Variants in TMPRSS11F observed in about 807,000 individuals in gnomAD.
TMPRSS11F encodes the protein transmembrane protease serine 11F.
In TMPRSS11F, 47 loss-of-function variants were observed where a neutral mutation model predicts 60.2. That is an observed-to-expected ratio of 0.78 (90% CI 0.62 to 1.00). TMPRSS11F has a LOEUF of 1.00. Ranked by LOEUF, TMPRSS11F falls within the 50% of genes least tolerant of loss-of-function variation. The pLI is 0.00. For missense variants in TMPRSS11F, 519 were observed against 522.9 expected, an observed-to-expected ratio of 0.99 and a Z score of 0.07; for synonymous variants, 166 against 167.3, an observed-to-expected ratio of 0.99 and a Z score of 0.06.
intron 1 of TMPRSS11F, among the ~76,000 whole-genome samples, chr4:68,127,539 G>A (rs1724737946): frequency 6.6e-6 from 1 of 152,022 alleles, no homozygotes; most frequent in African/African-American, 2.4e-5. Context: ...GTTCTCTAGT[G>A]CCTTAAGAAT....
intron 6 of TMPRSS11F, among the ~76,000 whole-genome samples, chr4:68,069,061 A>G (rs1723397099): frequency 6.6e-6 from 1 of 152,220 alleles, no homozygotes; most frequent in South Asian, 2.1e-4. Context: ...TAAAGCATAT[A>G]TAGATAATTC....
chr4:68,086,241 A>G (rs374347093), intron 3 of TMPRSS11F, among the ~76,000 whole-genome samples: 1 of 152,172 alleles, frequency 6.6e-6, no homozygotes, highest in African/African-American at 2.4e-5. Context: ...CCACACAACT[A>G]CATGGAAATT....
chr4:68,103,527 T>C (rs996909808), intron 1 of TMPRSS11F, among the ~76,000 whole-genome samples: 1 of 152,136 alleles, frequency 6.6e-6, no homozygotes, highest in African/African-American at 2.4e-5. Context: ...GCCCTGTTAG[T>C]CTTTATGCCA....
chr4:68,091,747 ATCTCTCTCTCTCTCTCTCTCTCTC>A (rs372346277), intron 2 of TMPRSS11F, among the ~76,000 whole-genome samples: 1 of 71,590 alleles, frequency 1.4e-5, no homozygotes, highest in African/African-American at 4.2e-5. Flanking sequence ...TTAATCTCTA[ATCTCTCTCTCTCTCTCTCTCTCTC>A]TCTCTCTCTC....
chr4:68,077,232 C>T (rs1478891588), intron 3 of TMPRSS11F: 1 of 152,270 alleles, frequency 6.6e-6, no homozygotes, highest in Non-Finnish European at 1.5e-5. Context: ...GTCCCTAGTC[C>T]AACCTCCCCA....
intron 1 of TMPRSS11F, among the ~76,000 whole-genome samples, chr4:68,111,612 ATAAT>A (rs1240761109): frequency 6.6e-6 from 1 of 152,192 alleles, no homozygotes; most frequent in African/African-American, 2.4e-5. Context: ...ACTTGAAACT[ATAAT>A]TATTTCAATG....
At position 68,069,968 on chromosome 4, in the gene TMPRSS11F, C is replaced by G; in HGVS notation, c.553+1G>C. ...AGTTAATTGTGGGTTTTGGAACTTA[C>G]GACTGTTGAGAAGATTCCTCATCTT... On this transcript the variant is annotated splice_donor_variant, in intron 6 of 9. Coordinates refer to ENST00000356291, the MANE Select transcript of TMPRSS11F (RefSeq NM_207407.2). LOFTEE classifies it high-confidence loss of function. 2 of 1,600,290 alleles carry G rather than the reference C, an allele frequency of 1.2e-6. No homozygotes were observed. The highest frequency in any genetic ancestry group is 1.3e-5 in the African/African-American group (1 of 74,480).
At chr4:68,090,820 T>TA (rs972668889) in intron 2 of TMPRSS11F, among the ~76,000 whole-genome samples, 179 bp from the exon 3 acceptor site, 5 of 152,156 alleles carry the variant, frequency 3.3e-5, no homozygotes, top group Admixed American at 6.6e-5. Flanking sequence ...CTGGTTAAAA[T>TA]AAAAAATTCT....
At chr4:68,104,959 GTT>G (rs36174695) in intron 1 of TMPRSS11F, among the ~76,000 whole-genome samples, 18 of 139,958 alleles carry the variant, frequency 1.3e-4, no homozygotes, top group African/African-American at 4.5e-4. Flanking sequence ...TTGCTTGTAG[GTT>G]TTTTTTTTTT....
chr4:68,083,026 G>T (rs1219210791), intron 3 of TMPRSS11F, among the ~76,000 whole-genome samples: 2 of 152,146 alleles, frequency 1.3e-5, no homozygotes, highest in Non-Finnish European at 2.9e-5. Context: ...AGCTGGGCAG[G>T]CCCCACAGCT....
intron 3 of TMPRSS11F, among the ~76,000 whole-genome samples, chr4:68,077,898 G>A (rs1577918691): frequency 6.6e-6 from 1 of 152,204 alleles, no homozygotes; most frequent in East Asian, 1.9e-4. Context: ...TGTGCCGGCA[G>A]ACTCCACGCC....
intron 9 of TMPRSS11F, among the ~76,000 whole-genome samples, chr4:68,054,789 G>A (rs4538543): frequency 0.75 from 113,996 of 152,006 alleles, 43,221 homozygotes; most frequent in East Asian, 0.88. Flanking sequence ...TCTGATGTCT[G>A]TTAGGGATAA....
At chr4:68,117,613 A>G (rs957017346) in intron 1 of TMPRSS11F, among the ~76,000 whole-genome samples, 1 of 152,166 alleles carries the variant, frequency 6.6e-6, no homozygotes. Flanking sequence ...AACAACAATG[A>G]GATATCACCT....
intron 2 of TMPRSS11F, among the ~76,000 whole-genome samples, chr4:68,095,651 A>G (rs1468961754): frequency 2.6e-5 from 4 of 152,054 alleles, no homozygotes; most frequent in Non-Finnish European, 5.9e-5. Flanking sequence ...TAATCCCAGC[A>G]CTTTGGGAGG....
intron 1 of TMPRSS11F, 29 bp downstream of exon 1, chr4:68,129,781 A>G: frequency 6.2e-7 from 1 of 1,610,476 alleles, no homozygotes; most frequent in Non-Finnish European, 8.5e-7. Flanking sequence ...CCCACTGATA[A>G]CCTTTACTGA....
At chr4:68,072,250 T>TATATATATATATATATATATA (rs537020566) in intron 5 of TMPRSS11F, 73 bp downstream of exon 5, 388 of 223,722 alleles carry the variant, frequency 1.7e-3, no homozygotes, top group East Asian at 2.3e-3. Flanking sequence ...TATATATATA[T>TATATATATATATATATATATA]TGCTTACAAA....
At chr4:68,124,234 AAC>A (rs1491542902) in intron 1 of TMPRSS11F, among the ~76,000 whole-genome samples, 9 of 145,630 alleles carry the variant, frequency 6.2e-5, no homozygotes, top group Non-Finnish European at 9.1e-5. Context: ...AAAAAAAAAA[AAC>A]AAACCTTTAT....
intron 1 of TMPRSS11F, among the ~76,000 whole-genome samples, chr4:68,119,100 A>T (rs1724577509): frequency 6.6e-6 from 1 of 152,116 alleles, no homozygotes; most frequent in South Asian, 2.1e-4. Context: ...ATACGGAGTA[A>T]GTTTTGTGGG....
intron 6 of TMPRSS11F, 102 bp from the exon 7 acceptor site, chr4:68,068,921 T>G: frequency 8.3e-7 from 1 of 1,200,436 alleles, no homozygotes; most frequent in Non-Finnish European, 1.2e-6. Context: ...TGCTACCATG[T>G]GAACCATTCA....
Sources: gnomAD v4.1 joint callset for allele counts (sites outside exome capture counted in the v4.1 genomes callset) on GRCh38, gnomAD v4.1.1 for gene constraint, MANE v1.5 for transcripts, NCBI Gene and HGNC (gene_info 2026-07-23, HGNC 2026-07-21) for gene names.